The following DCLK1 variants were observed in gnomAD, a reference collection of about 807,000 sequenced individuals.
DCLK1 encodes doublecortin like kinase 1, also known as serine/threonine-protein kinase DCLK1.
A neutral mutation model predicts 86.2 loss-of-function variants in DCLK1; 16 were observed. The observed-to-expected ratio is 0.19, with a 90% CI of 0.13 to 0.28. The LOEUF (loss-of-function observed/expected upper bound fraction) is 0.28. DCLK1 is among the 10% of genes least tolerant of loss of function. DCLK1 has a pLI of 1.00. For synonymous variants in DCLK1, 369 were observed against 370.5 expected, an observed-to-expected ratio of 1.00 and a Z score of 0.05; for missense variants, 590 against 940.2, an observed-to-expected ratio of 0.63 and a Z score of 4.87.
At chr13:35,824,702 G>A (rs1194174772) in intron 10 of DCLK1, among the ~76,000 whole-genome samples, 1 of 152,066 alleles carries the variant, frequency 6.6e-6, no homozygotes, top group Non-Finnish European at 1.5e-5. Flanking sequence ...CACACATTAT[G>A]TCGCTATTTT....
At chr13:35,820,960 A>G (rs912321441) in intron 11 of DCLK1, among the ~76,000 whole-genome samples, 2 of 152,206 alleles carry the variant, frequency 1.3e-5, no homozygotes, top group African/African-American at 4.8e-5. Context: ...CGTCAACTTC[A>G]TGAAGACATG....
chr13:35,943,825 A>G (rs960052669), intron 4 of DCLK1, among the ~76,000 whole-genome samples: 1 of 152,224 alleles, frequency 6.6e-6, no homozygotes, highest in Non-Finnish European at 1.5e-5. Flanking sequence ...TGTCATCAAC[A>G]TAGAAGCAAA....
chr13:36,021,299 CTTAT>C (rs1881770125), intron 3 of DCLK1, among the ~76,000 whole-genome samples: 4 of 148,948 alleles, frequency 2.7e-5, no homozygotes, highest in African/African-American at 9.9e-5. Flanking sequence ...CTAGAAAACA[CTTAT>C]TTAATTGAAA....
intron 3 of DCLK1, among the ~76,000 whole-genome samples, chr13:36,078,795 C>T (rs970884072): frequency 2.6e-5 from 4 of 152,172 alleles, no homozygotes; most frequent in Non-Finnish European, 5.9e-5. Context: ...TGTCACTTTA[C>T]ACTTCCAATT....
chr13:36,091,690 T>C (rs2138138389), intron 3 of DCLK1, among the ~76,000 whole-genome samples: 1 of 152,230 alleles, frequency 6.6e-6, no homozygotes, highest in South Asian at 2.1e-4. Flanking sequence ...ATAAAGAAAA[T>C]AGCCACCATT....
chr13:35,931,087 G>T (rs1876406364), intron 4 of DCLK1, among the ~76,000 whole-genome samples: 1 of 152,156 alleles, frequency 6.6e-6, no homozygotes, highest in Non-Finnish European at 1.5e-5. Flanking sequence ...CCCTTACGTT[G>T]TTTCCCACAA....
intron 4 of DCLK1, among the ~76,000 whole-genome samples, chr13:35,926,213 C>T (rs757386725): frequency 2.2e-4 from 33 of 152,288 alleles, no homozygotes; most frequent in Non-Finnish European, 4.4e-4. Context: ...CATGTGCCAC[C>T]ATGCCCGGCT....
chr13:35,974,600 C>A (rs1324948764), intron 3 of DCLK1, among the ~76,000 whole-genome samples: 1 of 152,098 alleles, frequency 6.6e-6, no homozygotes, highest in South Asian at 2.1e-4. Flanking sequence ...GTAACGCTTC[C>A]CCTCTTGCTC....
chr13:35,924,371 C>G (rs767968984), intron 4 of DCLK1, among the ~76,000 whole-genome samples: 1 of 152,020 alleles, frequency 6.6e-6, no homozygotes, highest in Admixed American at 6.6e-5. Flanking sequence ...AGGCTTAGGC[C>G]GGGCACAGTG....
chr13:35,845,036 T>A (rs1485506518), intron 6 of DCLK1, among the ~76,000 whole-genome samples: 9 of 152,172 alleles, frequency 5.9e-5, no homozygotes, highest in Admixed American at 5.9e-4. Flanking sequence ...TCACTTGAGG[T>A]CAGGAGTTCG....
chr13:35,948,570 T>C (rs1402846578), intron 3 of DCLK1, among the ~76,000 whole-genome samples: 1 of 152,196 alleles, frequency 6.6e-6, no homozygotes, highest in East Asian at 1.9e-4. Flanking sequence ...CTGTAAGACA[T>C]GGAATAGTAA....
At chr13:35,953,356 T>A (rs1877808720) in intron 3 of DCLK1, among the ~76,000 whole-genome samples, 1 of 152,130 alleles carries the variant, frequency 6.6e-6, no homozygotes, top group Admixed American at 6.6e-5. Context: ...TTGCATATTA[T>A]AAATTTCAGC....
chr13:35,911,531 AC>A (rs1426034537), intron 4 of DCLK1, among the ~76,000 whole-genome samples: 2 of 151,900 alleles, frequency 1.3e-5, no homozygotes. Context: ...GGGCCACATC[AC>A]TCTGGTCTAG....
At chr13:35,858,840 A>G (rs907607408) in intron 5 of DCLK1, among the ~76,000 whole-genome samples, 1 of 152,152 alleles carries the variant, frequency 6.6e-6, no homozygotes, top group African/African-American at 2.4e-5. Flanking sequence ...TTGTCTGAAC[A>G]TTGGGAACAG....
At chr13:35,999,559 C>A (rs553261901) in intron 3 of DCLK1, among the ~76,000 whole-genome samples, 201 of 152,304 alleles carry the variant, frequency 1.3e-3, no homozygotes, top group African/African-American at 4.4e-3. Context: ...AAAACCCCTT[C>A]TACCTGGCTG....
chr13:35,914,321 GAAAA>G (rs142212565), intron 4 of DCLK1, among the ~76,000 whole-genome samples: 69 of 57,698 alleles, frequency 1.2e-3, no homozygotes, highest in African/African-American at 3.0e-3. Flanking sequence ...CCTTATCTCA[GAAAA>G]AAAAAAAATA....
intron 4 of DCLK1, among the ~76,000 whole-genome samples, chr13:35,887,770 C>T (rs961096689): frequency 1.3e-5 from 2 of 149,132 alleles, no homozygotes; most frequent in Non-Finnish European, 3.0e-5. Context: ...AGCTTTCAAG[C>T]CAGACACTGT....
At position 35,773,966 on chromosome 13, in the gene DCLK1, T is replaced by C. The variant is rs550569761; in HGVS notation, c.*569A>G. On this transcript the variant is annotated 3_prime_UTR_variant, in exon 17 of 17. Transcript: ENST00000360631. Reference sequence around the variant, plus strand: ...CATATCTCTAATGAAAAAAAAAATCTGTTTCTGAATAGGATTGTGAAGAAG... The same window carrying C: ...CATATCTCTAATGAAAAAAAAAATCCGTTTCTGAATAGGATTGTGAAGAAG... The C allele has an allele frequency of 2.0e-5, 3 of 152,264 alleles. No individual in the cohort carries two copies. Among genetic ancestry groups the C allele is most frequent in the Admixed American group, 1.3e-4 (2 of 15,290 alleles). 9.4% of individuals were successfully genotyped at this position (152,264 alleles called of 1,614,324 possible).
intron 3 of DCLK1, among the ~76,000 whole-genome samples, chr13:36,046,857 T>C (rs1268698702): frequency 6.6e-6 from 1 of 152,080 alleles, no homozygotes; most frequent in Non-Finnish European, 1.5e-5. Flanking sequence ...GCCAAGTGAG[T>C]GAAGTCAGAA....
Sources: allele counts gnomAD v4.1 joint callset (sites outside exome capture counted in the v4.1 genomes callset), GRCh38; gene constraint gnomAD v4.1.1; transcripts MANE v1.5; gene names NCBI Gene and HGNC (gene_info 2026-07-23, HGNC 2026-07-21).